RIPOR2: variants seen among roughly 807,000 people sequenced by gnomAD.
The protein encoded by RIPOR2 is rho family-interacting cell polarization regulator 2.
A neutral mutation model predicts 114.5 loss-of-function variants in RIPOR2; 39 were observed. The ratio of observed to expected loss-of-function variants is 0.34; its 90% CI spans 0.26 to 0.44. The LOEUF (loss-of-function observed/expected upper bound fraction) is 0.44, where lower values mean the gene tolerates loss of function less well. Among genes scored for constraint, RIPOR2 ranks in the 20% least tolerant of loss-of-function variants. The probability of loss-of-function intolerance (pLI) is 1.00; values close to 1 mark genes in which losing one functional copy is unlikely to be tolerated. For synonymous variants in RIPOR2, 445 were observed against 484.4 expected (o/e 0.92, Z 1.07); for missense variants, 1,007 against 1,255.1 (o/e 0.80, Z 2.99).
In RIPOR2 at chr6:25,034,979, G is replaced by C. The variant is rs138386198; in HGVS notation, c.76+6872C>G. Reference sequence around the variant, plus strand: ...TTAATCATTCAGGCAGGAAGGAAGAGGGTAAGCCTTCTACAGAAGCAAGTA... The same window carrying C: ...TTAATCATTCAGGCAGGAAGGAAGACGGTAAGCCTTCTACAGAAGCAAGTA... On this transcript the variant is annotated intron_variant, in intron 1 of 13. Transcript: ENST00000510784. Among the ~76,000 whole-genome samples, 880 of 152,346 alleles carry C rather than the reference G, an allele frequency of 5.8e-3. 8 individuals are homozygous for C. The highest frequency in any genetic ancestry group is 0.02 in the African/African-American group (830 of 41,592).
intron 1 of RIPOR2, among the ~76,000 whole-genome samples, chr6:24,943,004 A>C (rs1307780869): frequency 6.6e-6 from 1 of 152,180 alleles, no homozygotes; most frequent in Non-Finnish European, 1.5e-5. Context: ...TATGTCCTGA[A>C]TGATATAAAT....
chr6:24,980,286 C>T (rs777853281), intron 1 of RIPOR2, among the ~76,000 whole-genome samples: 9 of 152,102 alleles, frequency 5.9e-5, no homozygotes, highest in African/African-American at 1.9e-4. Flanking sequence ...ATGTGCTTCC[C>T]GATTTATCTA....
chr6:24,948,829 C>G (rs898324771), intron 1 of RIPOR2, among the ~76,000 whole-genome samples: 2 of 152,176 alleles, frequency 1.3e-5, no homozygotes, highest in Non-Finnish European at 2.9e-5. Context: ...CCACGCCCAG[C>G]CACTCTCCTA....
intron 1 of RIPOR2, among the ~76,000 whole-genome samples, chr6:24,941,906 C>G (rs1210412521): frequency 6.6e-6 from 1 of 152,030 alleles, no homozygotes; most frequent in Non-Finnish European, 1.5e-5. Flanking sequence ...AAAAGATACA[C>G]AGGAAAATAA....
At chr6:25,019,507 C>T (rs943345420) in intron 1 of RIPOR2, among the ~76,000 whole-genome samples, 10 of 151,954 alleles carry the variant, frequency 6.6e-5, no homozygotes, top group Non-Finnish European at 1.3e-4. Flanking sequence ...CGGTGGCTCA[C>T]GCCTGTAATC....
intron 1 of RIPOR2, among the ~76,000 whole-genome samples, chr6:25,002,107 A>G (rs528108568): frequency 5.9e-5 from 9 of 152,236 alleles, no homozygotes; most frequent in Admixed American, 1.3e-4. Flanking sequence ...CTATGTTCCA[A>G]TAAAACTGTA....
chr6:24,885,347 C>T (rs903733991), intron 1 of RIPOR2, among the ~76,000 whole-genome samples: 5 of 152,116 alleles, frequency 3.3e-5, no homozygotes, highest in South Asian at 2.1e-4. Flanking sequence ...CTCAGCCTCC[C>T]GAGTAGCTGG....
chr6:24,955,643 T>C (rs1772997315), intron 1 of RIPOR2, among the ~76,000 whole-genome samples: 1 of 150,076 alleles, frequency 6.7e-6, no homozygotes, highest in Non-Finnish European at 1.5e-5. Flanking sequence ...TTTCTTCCCC[T>C]CTGTTATAGT....
At position 24,850,584 on chromosome 6, in the gene RIPOR2, G is replaced by C. The variant is rs749904065; in HGVS notation, c.885+13C>G. On this transcript the variant is annotated intron_variant, in intron 10 of 21. Coordinates refer to ENST00000643898, the MANE Select transcript of RIPOR2 (RefSeq NM_001286445.3). Reference sequence around the variant, plus strand: ...GGCACCAGGAAAGACAACAGGCAATGACAATACTGTACCTTGATGGAGATG... The same window carrying C: ...GGCACCAGGAAAGACAACAGGCAATCACAATACTGTACCTTGATGGAGATG... The C allele has an allele frequency of 2.5e-6, 4 of 1,613,692 alleles. No homozygotes were observed. The African/African-American group carries it at 5.3e-5, about 22-fold the overall frequency.
At chr6:24,997,740 T>A (rs539832505) in intron 1 of RIPOR2, among the ~76,000 whole-genome samples, 1 of 152,308 alleles carries the variant, frequency 6.6e-6, no homozygotes, top group African/African-American at 2.4e-5. Context: ...CAGTGTAGCA[T>A]CCTTTGCAAG....
intron 1 of RIPOR2, among the ~76,000 whole-genome samples, chr6:25,006,971 T>G (rs985395110): frequency 1.3e-5 from 2 of 152,160 alleles, no homozygotes; most frequent in African/African-American, 4.8e-5. Flanking sequence ...TGGAACGCTG[T>G]GGGAATCCCA....
chr6:24,975,028 G>A (rs1339848441), intron 1 of RIPOR2, among the ~76,000 whole-genome samples: 4 of 152,178 alleles, frequency 2.6e-5, no homozygotes, highest in Non-Finnish European at 5.9e-5. Context: ...TGGGTATGGG[G>A]TTTCTTTTAA....
At chr6:24,833,562 T>C (rs1159708774) in intron 15 of RIPOR2, among the ~76,000 whole-genome samples, 1 of 152,096 alleles carries the variant, frequency 6.6e-6, no homozygotes, top group South Asian at 2.1e-4. Context: ...GCAGCAATTA[T>C]GTACTAACAC....
chr6:24,953,513 T>A (rs762962008), intron 1 of RIPOR2, among the ~76,000 whole-genome samples: 1 of 152,170 alleles, frequency 6.6e-6, no homozygotes, highest in African/African-American at 2.4e-5. Flanking sequence ...AAGAGAGCTC[T>A]CACCAGAAAG....
At chr6:25,031,764 AAT>A (rs1357662552) in intron 1 of RIPOR2, among the ~76,000 whole-genome samples, 5 of 114,138 alleles carry the variant, frequency 4.4e-5, no homozygotes, top group African/African-American at 1.7e-4. Context: ...ATATCCATAG[AAT>A]ATATATATAT....
rs375445974 is a variant in RIPOR2 at position 24,809,385 on chromosome 6, TG to T, written c.3043+331del. Among the ~76,000 whole-genome samples the T allele has an allele frequency of 3.3e-4, 51 of 152,330 alleles. 1 individual carries two copies. In the South Asian group the frequency reaches 7.7e-3, roughly 23 times the overall value. On this transcript the variant is annotated intron_variant, in intron 21 of 21. Transcript: ENST00000643898. ...TCCTCCAGGGAATGTCAACCCCACC[TG>T]GCAACACAGCCTGGATTCCTATTGC...
Position 24,883,869 on chromosome 6 carries a change from C to T in RIPOR2, c.62-8052G>A, listed in dbSNP as rs538337589. 8.7e-4 allele frequency among the ~76,000 whole-genome samples: 132 copies of T among 152,244 alleles called. No homozygotes were observed. Among genetic ancestry groups the T allele is most frequent in the African/African-American group, 3.0e-3 (126 of 41,554 alleles). On this transcript the variant is annotated intron_variant, in intron 1 of 21. Coordinates refer to ENST00000643898, the MANE Select transcript of RIPOR2 (RefSeq NM_001286445.3). The surrounding 1 kb of genome is among the most constrained non-coding windows in gnomAD (Gnocchi z 4.1). The stretch of plus-strand genomic sequence containing the variant: ...TTCCTTTCTTTTTCCCCTAACAATG[C>T]CATCCTGTTTATGCTCCCCCACATC...
chr6:24,932,902 T>C (rs1428465013), intron 1 of RIPOR2, among the ~76,000 whole-genome samples: 1 of 152,198 alleles, frequency 6.6e-6, no homozygotes, highest in Non-Finnish European at 1.5e-5. Context: ...GCATGAACTT[T>C]TACAGGTAGA....
At chr6:24,948,837 C>G (rs995369124) in intron 1 of RIPOR2, among the ~76,000 whole-genome samples, 2 of 152,138 alleles carry the variant, frequency 1.3e-5, no homozygotes, top group African/African-American at 4.8e-5. Context: ...AGCCACTCTC[C>G]TATTTCAAAC....
Sources: gnomAD v4.1 joint callset for allele counts (sites outside exome capture counted in the v4.1 genomes callset) on GRCh38, gnomAD v4.1.1 for gene constraint, Gnocchi (gnomAD v3.1) non-coding constraint, MANE v1.5 for transcripts, NCBI Gene and HGNC (gene_info 2026-07-23, HGNC 2026-07-21) for gene names.